Variants in ROBO2 observed in about 807,000 individuals in gnomAD.
ROBO2 encodes the protein roundabout homolog 2.
A neutral mutation model predicts 160.8 loss-of-function variants in ROBO2; 53 were observed. The ratio of observed to expected loss-of-function variants is 0.33; its 90% CI spans 0.26 to 0.41. The LOEUF is 0.41. Ranked by LOEUF, ROBO2 falls within the 10% of genes least tolerant of loss-of-function variation. The pLI is 1.00. For missense variants in ROBO2, 1,577 were observed against 1,722.4 expected (o/e 0.92, Z 1.49); for synonymous variants, 664 against 611.7 (o/e 1.09, Z -1.26).
intron 5 of ROBO2, among the ~76,000 whole-genome samples, chr3:77,509,675 C>T (rs1330490217): frequency 6.6e-6 from 1 of 151,996 alleles, no homozygotes; most frequent in African/African-American, 2.4e-5. Flanking sequence ...CCAGTGTCTC[C>T]ATTGTGCACA....
intron 2 of ROBO2, among the ~76,000 whole-genome samples, chr3:76,028,841 A>G (rs2066827770): frequency 6.6e-6 from 1 of 151,992 alleles, no homozygotes; most frequent in Non-Finnish European, 1.5e-5. Flanking sequence ...TACATAAAAA[A>G]AGGCCTGGGT....
intron 2 of ROBO2, among the ~76,000 whole-genome samples, chr3:76,527,194 C>T (rs375988408): frequency 1.8e-4 from 27 of 152,036 alleles, no homozygotes; most frequent in East Asian, 1.4e-3. Flanking sequence ...GTATATTGCA[C>T]GTAATCCTCA....
At chr3:76,548,466 T>A (rs1349781898) in intron 2 of ROBO2, among the ~76,000 whole-genome samples, 1 of 152,082 alleles carries the variant, frequency 6.6e-6, no homozygotes, top group Non-Finnish European at 1.5e-5. Context: ...GGGATACCAT[T>A]GAAGAACAGA....
chr3:76,065,718 A>G, intron 2 of ROBO2, among the ~76,000 whole-genome samples: 1 of 69,192 alleles, frequency 1.4e-5, no homozygotes, highest in South Asian at 5.8e-4. Flanking sequence ...TAAACTAAAT[A>G]TATGCATATT....
At chr3:75,938,720 A>G (rs1947904813) in intron 2 of ROBO2, among the ~76,000 whole-genome samples, 1 of 152,166 alleles carries the variant, frequency 6.6e-6, no homozygotes, top group African/African-American at 2.4e-5. Context: ...TGAATTTTTG[A>G]AATGAAATAG....
At chr3:77,047,565 T>G (rs2064804463) in intron 1 of ROBO2, among the ~76,000 whole-genome samples, 1 of 151,730 alleles carries the variant, frequency 6.6e-6, no homozygotes, top group South Asian at 2.1e-4. Context: ...GGCAGGTGCC[T>G]GTAATCCCAG....
chr3:76,054,117 G>A (rs1329236434), intron 2 of ROBO2, among the ~76,000 whole-genome samples: 6 of 152,008 alleles, frequency 3.9e-5, no homozygotes, highest in African/African-American at 1.4e-4. Flanking sequence ...TTGTAATTGA[G>A]AGTTATATTT....
chr3:76,951,795 A>C (rs534229256), intron 2 of ROBO2, among the ~76,000 whole-genome samples: 1 of 152,284 alleles, frequency 6.6e-6, no homozygotes, highest in Admixed American at 6.5e-5. Context: ...ACCATGCTCC[A>C]AAAATTCTCC....
chr3:76,994,216 A>C (rs534658592), intron 2 of ROBO2, among the ~76,000 whole-genome samples: 1 of 152,290 alleles, frequency 6.6e-6, no homozygotes, highest in African/African-American at 2.4e-5. Flanking sequence ...TTGCTGTGCC[A>C]TGTATCCAAC....
At chr3:76,958,856 G>A (rs1042584490) in intron 2 of ROBO2, among the ~76,000 whole-genome samples, 1 of 152,068 alleles carries the variant, frequency 6.6e-6, no homozygotes, top group Admixed American at 6.6e-5. Flanking sequence ...AAATAGCTGT[G>A]GATAAGATGC....
chr3:76,698,128 T>TTGGAAGAATTGGATG (rs1263836542), intron 2 of ROBO2, among the ~76,000 whole-genome samples: 34 of 152,112 alleles, frequency 2.2e-4, no homozygotes, highest in South Asian at 6.2e-4. Context: ...TATTCACTGG[T>TTGGAAGAATTGGATG]TAGGCTTTTT....
intron 2 of ROBO2, among the ~76,000 whole-genome samples, chr3:76,947,515 G>A (rs1286028923): frequency 6.6e-6 from 1 of 151,988 alleles, no homozygotes; most frequent in Non-Finnish European, 1.5e-5. Context: ...TTTTTTCTTA[G>A]TTAACAATTT....
At chr3:76,050,259 C>G (rs1009932826) in intron 2 of ROBO2, among the ~76,000 whole-genome samples, 2 of 152,112 alleles carry the variant, frequency 1.3e-5, no homozygotes, top group Non-Finnish European at 2.9e-5. Flanking sequence ...CCATCTTTCT[C>G]CCGTGCTGGA....
At chr3:77,289,268 T>C (rs1409659295) in intron 2 of ROBO2, among the ~76,000 whole-genome samples, 1 of 152,118 alleles carries the variant, frequency 6.6e-6, no homozygotes, top group African/African-American at 2.4e-5. Flanking sequence ...GAAGTGACAA[T>C]TGAGAAAGAC....
intron 21 of ROBO2, among the ~76,000 whole-genome samples, chr3:77,614,578 G>C (rs1039020048): frequency 6.6e-6 from 1 of 152,022 alleles, no homozygotes; most frequent in African/African-American, 2.4e-5. Context: ...GGTAGCCTCA[G>C]CAAGAGAATA....
Position 75,977,665 on chromosome 3 carries a change from G to T in ROBO2, c.109+40063G>T, listed in dbSNP as rs180819277. Among the ~76,000 whole-genome samples the T allele has an allele frequency of 2.0e-4, 30 of 151,582 alleles. 1 individual carries two copies. Among genetic ancestry groups the T allele is most frequent in the African/African-American group, 7.0e-4 (29 of 41,452 alleles). On this transcript the variant is annotated intron_variant, in intron 2 of 26. Coordinates refer to the ROBO2 transcript ENST00000487694. ...TTAACTAGGATGGATGAACGCTCAT[G>T]ATAAGGAAATTTGAAAAGAGTGAAC...
intron 2 of ROBO2, among the ~76,000 whole-genome samples, chr3:76,564,346 A>T (rs549284981): frequency 1.3e-5 from 2 of 151,542 alleles, no homozygotes; most frequent in South Asian, 4.1e-4. Context: ...AGCCTAAGAG[A>T]AATCACATAC....
At chr3:76,284,196 A>C (rs574779764) in intron 2 of ROBO2, among the ~76,000 whole-genome samples, 1 of 152,068 alleles carries the variant, frequency 6.6e-6, no homozygotes, top group Non-Finnish European at 1.5e-5. Context: ...TAGCGTACAC[A>C]TATAGGAAAA....
chr3:76,799,329 T>G (rs1029569505), intron 2 of ROBO2, among the ~76,000 whole-genome samples: 9 of 152,102 alleles, frequency 5.9e-5, no homozygotes, highest in African/African-American at 2.2e-4. Flanking sequence ...AAGGCAAGGA[T>G]GCCTACTCTC....
Sources: gnomAD v4.1 joint callset for allele counts (sites outside exome capture counted in the v4.1 genomes callset) on GRCh38, gnomAD v4.1.1 for gene constraint, MANE v1.5 for transcripts, NCBI Gene and HGNC (gene_info 2026-07-23, HGNC 2026-07-21) for gene names.